Variants in PCM1 observed in about 807,000 individuals in gnomAD.
PCM1 encodes the protein pericentriolar material 1.
A neutral mutation model predicts 241.9 loss-of-function variants in PCM1; 157 were observed. That is an observed-to-expected ratio of 0.65 (90% CI 0.57 to 0.74). PCM1 has a LOEUF of 0.74. Ranked by LOEUF, PCM1 falls within the 30% of genes least tolerant of loss-of-function variation. The probability of loss-of-function intolerance (pLI) is 0.00; values close to 1 mark genes in which losing one functional copy is unlikely to be tolerated. For synonymous variants in PCM1, 1,085 were observed against 784.9 expected (o/e 1.38, Z -6.39); for missense variants, 3,478 against 2,360.1 (o/e 1.47, Z -9.81).
intron 6 of PCM1, among the ~76,000 whole-genome samples, chr8:17,943,901 C>G (rs540025873): frequency 3.9e-5 from 6 of 152,174 alleles, no homozygotes; most frequent in Admixed American, 3.9e-4. Flanking sequence ...TTGAAAGCAA[C>G]CTTGAGACTT....
intron 38 of PCM1, 95 bp downstream of exon 38, chr8:18,025,753 C>T (rs1041374874): frequency 2.8e-6 from 2 of 702,114 alleles, no homozygotes; most frequent in Admixed American, 3.3e-5. Context: ...TACTACTGAC[C>T]TGGGAGATTT....
rs754767134 is a variant in PCM1 at position 17,938,978 on chromosome 8, G to A, written c.581G>A (p.Gly194Glu). Residue 194 changes from glycine (G) to glutamate (E), a missense_variant, in exon 5 of 39, where the codon GGG becomes GAG. By Grantham distance (98) the Gly-to-Glu change is moderately conservative. Transcript: ENST00000325083. ...LQNCQVSEED[G>E]RGEPAMESSQ... ...AACTGTCAGGTGTCTGAAGAAGATG[G>A]GAGGGGAGAACCTGCAATGGAGAGC... The A allele has an allele frequency of 1.8e-5, 29 of 1,613,578 alleles. No individual in the cohort carries two copies. Among genetic ancestry groups the A allele is most frequent in the Non-Finnish European group, 2.5e-5 (29 of 1,179,652 alleles).
At chr8:17,962,448 G>T (rs2072793679) in intron 16 of PCM1, among the ~76,000 whole-genome samples, 1 of 151,936 alleles carries the variant, frequency 6.6e-6, no homozygotes, top group African/African-American at 2.4e-5. Flanking sequence ...CATGTTCTTT[G>T]TTAGTAAATA....
intron 29 of PCM1, among the ~76,000 whole-genome samples, chr8:17,996,420 T>C (rs774399035): frequency 2.6e-5 from 4 of 152,236 alleles, no homozygotes; most frequent in Non-Finnish European, 5.9e-5. Flanking sequence ...TTTAATGTGT[T>C]GTTGAATTCC....
At chr8:17,982,676 A>C (rs1420939262) in intron 24 of PCM1, 3 of 152,090 alleles carry the variant, frequency 2.0e-5, no homozygotes, top group Non-Finnish European at 4.4e-5. Flanking sequence ...TTGTATTTTT[A>C]GTAGAGACAG....
rs1426937539 is a variant in PCM1, at chr8:17,991,590, A to G, written c.4580A>G (p.Tyr1527Cys). ...LDQALARMRE[Y>C]ERMKTEAESN... ...CAAGCATTAGCCAGAATGAGAGAAT[A>G]TGAGCGTATGAAGACTGAGGCTGAA... Residue 1527 changes from tyrosine (Y) to cysteine (C), a missense_variant, in exon 28 of 39, where the codon TAT becomes TGT. By Grantham distance (194) the Tyr-to-Cys change is radical (BLOSUM62 -2). Transcript: ENST00000325083. The G allele has an allele frequency of 1.3e-6, 2 of 1,599,326 alleles. No homozygotes were observed. The highest frequency in any genetic ancestry group is 1.7e-5 in the Admixed American group (1 of 57,858).
intron 1 of PCM1, among the ~76,000 whole-genome samples, chr8:17,923,806 C>G (rs80062473): frequency 0.016 from 2,415 of 152,132 alleles, 76 homozygotes; most frequent in African/African-American, 0.055. Context: ...CCTTCTTTCT[C>G]CCTTCCTACC....
intron 23 of PCM1, among the ~76,000 whole-genome samples, chr8:17,975,464 AT>A (rs1164279909): frequency 6.6e-6 from 1 of 152,072 alleles, no homozygotes; most frequent in Admixed American, 6.6e-5. Context: ...CGCCCGACCA[AT>A]TTTTATTATA....
intron 36 of PCM1, chr8:18,025,034 C>G (rs1733799240): frequency 9.8e-6 from 2 of 204,378 alleles, no homozygotes. Context: ...CTGGGTACAG[C>G]TCTCGTGTTC....
In PCM1 at chr8:17,940,240, G is replaced by A. The variant is rs115840570; in HGVS notation, c.783+379G>A. The A allele has an allele frequency of 3.3e-3, 2,328 of 710,316 alleles. 32 individuals carry two copies. The African/African-American group carries it at 0.038, about 11-fold the overall frequency. 44.0% of individuals were successfully genotyped at this position (710,316 alleles called of 1,614,324 possible). Reference sequence around the variant, plus strand: ...AGTTTTCAAGATGTTATTTTTATAGGCGTTCCTTAATGAAAAGTGTATTCC... The same window carrying A: ...AGTTTTCAAGATGTTATTTTTATAGACGTTCCTTAATGAAAAGTGTATTCC... On this transcript the variant is annotated intron_variant, in intron 6 of 38. Coordinates refer to ENST00000325083, the MANE Select transcript of PCM1 (RefSeq NM_006197.4).
chr8:17,974,557 G>T (rs1457402163), intron 23 of PCM1, among the ~76,000 whole-genome samples: 2 of 151,948 alleles, frequency 1.3e-5, no homozygotes, highest in African/African-American at 4.8e-5. Context: ...TGCCAGTATT[G>T]GTCTGTGGAC....
rs760258719 is a variant in PCM1 at position 17,969,575 on chromosome 8, A to C, written c.3413-2A>C. 7 of 1,582,348 alleles carry C rather than the reference A, an allele frequency of 4.4e-6. No individual in the cohort carries two copies. Among genetic ancestry groups the C allele is most frequent in the Non-Finnish European group, 6.0e-6 (7 of 1,161,914 alleles). Reference sequence around the variant, plus strand: ...CTCTTACCCATTGCTTTTACTGATTAGGTATGAATTTCAGCCCTTTATTTC... The same window carrying C: ...CTCTTACCCATTGCTTTTACTGATTCGGTATGAATTTCAGCCCTTTATTTC... On this transcript the variant is annotated splice_acceptor_variant, in intron 21 of 38. Transcript: ENST00000325083. LOFTEE classifies it high-confidence loss of function.
At chr8:18,022,068 G>A (rs2093798744) in intron 36 of PCM1, among the ~76,000 whole-genome samples, 1 of 152,244 alleles carries the variant, frequency 6.6e-6, no homozygotes, top group African/African-American at 2.4e-5. Context: ...CATTGGAAAG[G>A]ACTGTAGCAG....
chr8:17,973,519 G>A (rs2077563619), intron 23 of PCM1, among the ~76,000 whole-genome samples: 1 of 152,042 alleles, frequency 6.6e-6, no homozygotes, highest in Non-Finnish European at 1.5e-5. Context: ...AGGAGTTTGA[G>A]ACCAGCCTGA....
chr8:18,016,196 T>TTA (rs1006231759), intron 36 of PCM1, among the ~76,000 whole-genome samples: 1 of 152,134 alleles, frequency 6.6e-6, no homozygotes, highest in Non-Finnish European at 1.5e-5. Context: ...CTGGGTAATT[T>TTA]TATTTTTTAC....
At chr8:17,961,982 T>C in intron 15 of PCM1, 52 bp from the exon 16 acceptor site, 1 of 1,526,018 alleles carries the variant, frequency 6.6e-7, no homozygotes, top group East Asian at 2.4e-5. Flanking sequence ...TTTTATGAAA[T>C]TAATATAATT....
intron 25 of PCM1, 58 bp from the exon 26 acceptor site, chr8:17,985,901 A>T: frequency 2.6e-6 from 3 of 1,162,982 alleles, no homozygotes; most frequent in Non-Finnish European, 3.6e-6. Context: ...TCTGTAATAT[A>T]AATGAATGAT....
rs2094415681 is a variant in PCM1, at chr8:18,029,665, G to C, written c.*2003G>C. ...GATAATTTAGTTTTAAAATACGTAG[G>C]GTTTGAGAGCAGATATATTTATTTA... On this transcript the variant is annotated 3_prime_UTR_variant, in exon 39 of 39. Coordinates refer to ENST00000325083, the MANE Select transcript of PCM1 (RefSeq NM_006197.4). 1.0e-5 allele frequency: 2 copies of C among 199,226 alleles called. No individual in the cohort carries two copies. Among genetic ancestry groups the C allele is most frequent in the Non-Finnish European group, 2.1e-5 (2 of 96,668 alleles). The allele number at this position is 199,226 out of a possible 1,614,324, so 12.3% of individuals were successfully genotyped here. A position where few individuals can be genotyped will look rare whatever the true frequency, so the allele number is the denominator to read the frequency against.
rs372887041 is a variant in PCM1, at chr8:18,018,895, TAC to T, written c.5841+4059_5841+4060del. ...ATATATATATACACACACATATACA[TAC>T]ACATATATATATATAAATATATAAC... On this transcript the variant is annotated intron_variant, in intron 36 of 38. Coordinates refer to ENST00000325083, the MANE Select transcript of PCM1 (RefSeq NM_006197.4). Among the ~76,000 whole-genome samples the T allele has an allele frequency of 2.9e-3, 123 of 42,580 alleles. 2 individuals are homozygous for T. Among genetic ancestry groups the T allele is most frequent in the East Asian group, 4.8e-3 (9 of 1,880 alleles). The allele number at this position is 42,580 out of a possible 152,430, so 27.9% of individuals were successfully genotyped here.
Sources: allele counts gnomAD v4.1 joint callset (sites outside exome capture counted in the v4.1 genomes callset), GRCh38; gene constraint gnomAD v4.1.1; transcripts MANE v1.5; gene names NCBI Gene and HGNC (gene_info 2026-07-23, HGNC 2026-07-21).